UNC13B: variants seen among roughly 807,000 people sequenced by gnomAD.
UNC13B encodes protein unc-13 homolog B.
Under a neutral mutation model 211.0 loss-of-function variants are expected in UNC13B, and 144 were observed. The observed-to-expected ratio is 0.68, with a 90% confidence interval of 0.60 to 0.78. The LOEUF (loss-of-function observed/expected upper bound fraction) is 0.78, where lower values mean the gene tolerates loss of function less well. Ranked by LOEUF, UNC13B falls within the 30% of genes least tolerant of loss-of-function variation. UNC13B has a pLI of 0.00. For synonymous variants in UNC13B, 709 were observed against 725.8 expected, an observed-to-expected ratio of 0.98 and a Z score of 0.37; for missense variants, 1,777 against 2,002.0, an observed-to-expected ratio of 0.89 and a Z score of 2.14.
At chr9:35,182,461 T>C (rs1821990317) in intron 1 of UNC13B, among the ~76,000 whole-genome samples, 1 of 151,494 alleles carries the variant, frequency 6.6e-6, no homozygotes, top group Non-Finnish European at 1.5e-5. Context: ...TTTATTTTTA[T>C]TTATTTTTAT....
intron 19 of UNC13B, 47 bp downstream of exon 19, chr9:35,381,262 G>A (rs2132255594): frequency 6.5e-7 from 1 of 1,533,160 alleles, no homozygotes; most frequent in South Asian, 1.2e-5. Context: ...AGTGCTGGGA[G>A]AGGCCTTTGG....
At position 35,399,426 on chromosome 9, in the gene UNC13B, T is replaced by C. The variant is rs943991398; in HGVS notation, c.12233T>C (p.Leu4078Pro). 1 of 1,614,182 alleles carries C rather than the reference T, an allele frequency of 6.2e-7. No individual in the cohort carries two copies. The change falls in exon 35 of 40, where the codon CTG becomes CCG. Residue 4078 changes from leucine (L) to proline (P), a missense_variant. By Grantham distance (98) the Leu-to-Pro change is moderately conservative. Coordinates refer to ENST00000635942, the MANE Select transcript of UNC13B (RefSeq NM_001371189.2). Reference protein sequence around the residue: ...TQLIFTAAKELSHLSKLKDHM... With the variant: ...TQLIFTAAKEPSHLSKLKDHM... ...CTGATCTTCACTGCTGCCAAGGAGC[T>C]GAGCCATCTTTCCAAACTCAAGGTA...
At chr9:35,366,261 G>A (rs1261388108) in intron 11 of UNC13B, among the ~76,000 whole-genome samples, 3 of 152,166 alleles carry the variant, frequency 2.0e-5, no homozygotes, top group African/African-American at 7.2e-5. Flanking sequence ...TTTTGGTACA[G>A]AAACCTTTAA....
At chr9:35,240,187 T>C (rs554925416) in intron 5 of UNC13B, among the ~76,000 whole-genome samples, 6 of 152,244 alleles carry the variant, frequency 3.9e-5, no homozygotes, top group Admixed American at 1.3e-4. Context: ...TCACAATTTA[T>C]GTTCTTCTGC....
intron 1 of UNC13B, among the ~76,000 whole-genome samples, chr9:35,198,403 T>C (rs1318703488): frequency 6.6e-6 from 1 of 152,248 alleles, no homozygotes; most frequent in African/African-American, 2.4e-5. Context: ...ATACGTTTCC[T>C]GAAGCAGATG....
chr9:35,196,472 A>T (rs1822947079), intron 1 of UNC13B, among the ~76,000 whole-genome samples: 1 of 152,204 alleles, frequency 6.6e-6, no homozygotes, highest in South Asian at 2.1e-4. Context: ...AGCGGAAGTT[A>T]CATGTTTTTT....
intron 6 of UNC13B, among the ~76,000 whole-genome samples, chr9:35,252,075 G>A (rs1237349846): frequency 1.3e-5 from 2 of 152,116 alleles, no homozygotes; most frequent in African/African-American, 2.4e-5. Flanking sequence ...TGCTGATTGT[G>A]TCCCCAGGTT....
At chr9:35,353,717 A>C in intron 11 of UNC13B, 1 of 1,232,120 alleles carries the variant, frequency 8.1e-7, no homozygotes, top group Non-Finnish European at 1.0e-6. Context: ...CAATTTTAAG[A>C]ATGTTCTAAG....
chr9:35,226,165 C>T (rs555849020), intron 1 of UNC13B, among the ~76,000 whole-genome samples: 1 of 152,260 alleles, frequency 6.6e-6, no homozygotes, highest in African/African-American at 2.4e-5. Context: ...TTCACAGGCC[C>T]TGCTGCACTG....
At chr9:35,239,726 C>G (rs2131543503) in intron 5 of UNC13B, among the ~76,000 whole-genome samples, 1 of 152,276 alleles carries the variant, frequency 6.6e-6, no homozygotes, top group East Asian at 1.9e-4. Context: ...GAGGCCTCCC[C>G]TTAGGGACAC....
At chr9:35,318,288 C>T (rs80015996) in intron 11 of UNC13B, among the ~76,000 whole-genome samples, 2,449 of 152,272 alleles carry the variant, frequency 0.016, 48 homozygotes, top group African/African-American at 0.056. Flanking sequence ...AAGATTGAAG[C>T]AGAAATGTAC....
chr9:35,165,565 C>A (rs1388674341), intron 1 of UNC13B, among the ~76,000 whole-genome samples: 1 of 151,654 alleles, frequency 6.6e-6, no homozygotes, highest in African/African-American at 2.4e-5. Flanking sequence ...TTACAGGCGC[C>A]TGCCACCATG....
At chr9:35,282,969 T>C (rs1257269497) in intron 7 of UNC13B, among the ~76,000 whole-genome samples, 2 of 152,226 alleles carry the variant, frequency 1.3e-5, no homozygotes, top group African/African-American at 2.4e-5. Context: ...TTGATGATAT[T>C]GATGCCAGGC....
intron 7 of UNC13B, among the ~76,000 whole-genome samples, chr9:35,273,050 C>G (rs1462462992): frequency 6.6e-6 from 1 of 152,172 alleles, no homozygotes; most frequent in Non-Finnish European, 1.5e-5. Context: ...AATTAGTGAT[C>G]TATACAAATC....
intron 11 of UNC13B, among the ~76,000 whole-genome samples, chr9:35,314,955 C>A (rs571155071): frequency 1.5e-5 from 2 of 132,362 alleles, no homozygotes; most frequent in South Asian, 2.4e-4. Context: ...GTGATCATTG[C>A]AGCTTTGAAC....
intron 5 of UNC13B, 74 bp downstream of exon 5, chr9:35,237,900 T>C: frequency 6.8e-7 from 1 of 1,462,876 alleles, no homozygotes; most frequent in South Asian, 1.3e-5. Flanking sequence ...GTTTCATTAA[T>C]GTATATTTTG....
chr9:35,194,459 G>C (rs1429566627), intron 1 of UNC13B, among the ~76,000 whole-genome samples: 1 of 152,158 alleles, frequency 6.6e-6, no homozygotes, highest in Non-Finnish European at 1.5e-5. Context: ...ACCTCTTACA[G>C]CCCCGCACAA....
intron 1 of UNC13B, among the ~76,000 whole-genome samples, chr9:35,203,976 GA>G (rs1317644762): frequency 6.6e-6 from 1 of 152,242 alleles, no homozygotes; most frequent in Non-Finnish European, 1.5e-5. Flanking sequence ...CACAGGCCCA[GA>G]GGCCTAGGAA....
At chr9:35,233,622 C>T (rs542513006) in intron 3 of UNC13B, among the ~76,000 whole-genome samples, 117 of 152,188 alleles carry the variant, frequency 7.7e-4, no homozygotes, top group Middle Eastern at 3.4e-3. Context: ...TCTCCTTTTT[C>T]CTTCTCCATG....
Sources: gnomAD v4.1 joint callset for allele counts (sites outside exome capture counted in the v4.1 genomes callset) on GRCh38, gnomAD v4.1.1 for gene constraint, MANE v1.5 for transcripts, NCBI Gene and HGNC (gene_info 2026-07-23, HGNC 2026-07-21) for gene names.